The following IL1RL1 variants were observed in gnomAD, a reference collection of about 807,000 sequenced individuals.
IL1RL1 encodes the protein interleukin 1 receptor like 1.
A neutral mutation model predicts 50.9 loss-of-function variants in IL1RL1; 32 were observed. That is an observed-to-expected ratio of 0.63 (90% CI 0.47 to 0.84). IL1RL1 has a LOEUF of 0.84. Among genes scored for constraint, IL1RL1 ranks in the 40% least tolerant of loss-of-function variants. IL1RL1 has a pLI of 0.00. For missense variants in IL1RL1, 773 were observed against 662.9 expected, an observed-to-expected ratio of 1.17 and a Z score of -1.82; for synonymous variants, 275 against 236.0, an observed-to-expected ratio of 1.17 and a Z score of -1.51.
At chr2:102,316,569 G>A (rs940386067) in intron 1 of IL1RL1, among the ~76,000 whole-genome samples, 4 of 152,204 alleles carry the variant, frequency 2.6e-5, no homozygotes, top group African/African-American at 9.6e-5. Context: ...ATAGCTGGGA[G>A]TTTAATTTTT....
chr2:102,341,836 C>A (rs1295153916), intron 5 of IL1RL1, among the ~76,000 whole-genome samples: 1 of 152,132 alleles, frequency 6.6e-6, no homozygotes, highest in Non-Finnish European at 1.5e-5. Context: ...AATCTGTGGA[C>A]TCATCCATTT....
At chr2:102,315,128 T>A (rs1186315855) in intron 1 of IL1RL1, among the ~76,000 whole-genome samples, 2 of 152,152 alleles carry the variant, frequency 1.3e-5, no homozygotes, top group Non-Finnish European at 2.9e-5. Context: ...TGATGGAGTG[T>A]CTGAGGGCCG....
In IL1RL1 at chr2:102,351,989, C is replaced by A; in HGVS notation, c.*68C>A. On this transcript the variant is annotated 3_prime_UTR_variant, in exon 11 of 11. Transcript: ENST00000233954. ...CTGACTTCTCCTAGCTGGCTTATGC[C>A]CCTGCACTGAAGTGTGAGGAGCAGG... 7.0e-7 allele frequency: 1 copy of A among 1,430,494 alleles called. No individual in the cohort carries two copies. Among genetic ancestry groups the A allele is most frequent in the Non-Finnish European group, 9.5e-7 (1 of 1,050,988 alleles). 88.6% of individuals were successfully genotyped at this position (1,430,494 alleles called of 1,614,324 possible).
chr2:102,319,671 T>A (rs11690443), intron 1 of IL1RL1, among the ~76,000 whole-genome samples: 72,726 of 151,924 alleles, frequency 0.48, 17,693 homozygotes, highest in Middle Eastern at 0.64. Context: ...ATTCTCAGTA[T>A]CTTTTGTATC....
chr2:102,336,243 C>G (rs759838926), intron 1 of IL1RL1, among the ~76,000 whole-genome samples: 1 of 152,272 alleles, frequency 6.6e-6, no homozygotes, highest in African/African-American at 2.4e-5. Context: ...GACTTCACCC[C>G]TTAATGTGAA....
chr2:102,340,331 G>A (rs779158042), intron 4 of IL1RL1, 59 bp downstream of exon 4: 28 of 1,420,870 alleles, frequency 2.0e-5, no homozygotes, highest in Non-Finnish European at 2.6e-5. Context: ...AGACACAAGT[G>A]GCCGGGCACA....
At chr2:102,341,878 T>C (rs1677579271) in intron 5 of IL1RL1, among the ~76,000 whole-genome samples, 1 of 152,232 alleles carries the variant, frequency 6.6e-6, no homozygotes, top group African/African-American at 2.4e-5. Context: ...AAATCTTCTC[T>C]GTAGTCTTAT....
chr2:102,329,514 C>T (rs1178816610), intron 1 of IL1RL1, among the ~76,000 whole-genome samples: 1 of 152,176 alleles, frequency 6.6e-6, no homozygotes, highest in Non-Finnish European at 1.5e-5. Flanking sequence ...TAAAGAGCTT[C>T]TGCACAGTGA....
intron 1 of IL1RL1, among the ~76,000 whole-genome samples, chr2:102,321,084 C>T (rs10189154): frequency 0.17 from 26,233 of 152,210 alleles, 2,565 homozygotes; most frequent in African/African-American, 0.26. Context: ...ACCAGGCTTG[C>T]CTCCATGGCT....
At chr2:102,316,763 A>G (rs1676685577) in intron 1 of IL1RL1, among the ~76,000 whole-genome samples, 1 of 152,196 alleles carries the variant, frequency 6.6e-6, no homozygotes, top group Non-Finnish European at 1.5e-5. Context: ...TTAGTAGTAG[A>G]TACAGACTAT....
At chr2:102,327,950 T>G (rs1677060986) in intron 1 of IL1RL1, among the ~76,000 whole-genome samples, 1 of 152,190 alleles carries the variant, frequency 6.6e-6, no homozygotes, top group African/African-American at 2.4e-5. Flanking sequence ...TTACCATTCC[T>G]TCTGAAACTA....
Position 102,340,162 on chromosome 2 carries a change from G to A in IL1RL1, c.337G>A (p.Val113Ile), listed in dbSNP as rs1339677841. ...TIYKKQSDCN[V>I]PDYLMYSTVS... The stretch of plus-strand genomic sequence containing the variant: ...ATATAAAAAACAATCAGATTGCAAT[G>A]TTCCAGATTATTTGATGTATTCAAC... Residue 113 changes from valine to isoleucine, a missense_variant, in exon 4 of 11, where the codon GTT (valine) becomes ATT (isoleucine). Coordinates refer to ENST00000233954, the MANE Select transcript of IL1RL1 (RefSeq NM_016232.5). 2 of 1,598,164 alleles carry A rather than the reference G, an allele frequency of 1.3e-6. No homozygotes were observed. Among genetic ancestry groups the A allele is most frequent in the African/African-American group, 1.3e-5 (1 of 74,472 alleles).
intron 1 of IL1RL1, among the ~76,000 whole-genome samples, chr2:102,328,986 T>C (rs1264942147): frequency 7.9e-5 from 12 of 152,124 alleles, no homozygotes; most frequent in Admixed American, 7.9e-4. Flanking sequence ...TGGAAAAAAC[T>C]ACTTTAAAGT....
intron 1 of IL1RL1, among the ~76,000 whole-genome samples, chr2:102,323,279 T>TATATATATATATATATATATATA (rs1559596441): frequency 1.1e-4 from 4 of 38,008 alleles, no homozygotes; most frequent in African/African-American, 3.4e-4. Flanking sequence ...ATATAGTGTG[T>TATATATATATATATATATATATA]GTGTGTGTGT....
At chr2:102,329,666 A>G (rs1052004164) in intron 1 of IL1RL1, among the ~76,000 whole-genome samples, 1 of 152,224 alleles carries the variant, frequency 6.6e-6, no homozygotes, top group African/African-American at 2.4e-5. Flanking sequence ...ACCCCATCAA[A>G]AAGTGGGCAA....
intron 1 of IL1RL1, chr2:102,337,138 A>G (rs1677354890): frequency 6.6e-6 from 1 of 152,340 alleles, no homozygotes; most frequent in South Asian, 2.1e-4. Flanking sequence ...GTCAACATCA[A>G]GAATTCTTAG....
At position 102,348,226 on chromosome 2, in the gene IL1RL1, G is replaced by A. The variant is rs1393724448; in HGVS notation, c.1117+135G>A. On this transcript the variant is annotated intron_variant, in intron 9 of 10. Coordinates refer to ENST00000233954, the MANE Select transcript of IL1RL1 (RefSeq NM_016232.5). The stretch of plus-strand genomic sequence containing the variant: ...TTGCTTGCTAATCTGTTATCAGTGA[G>A]TTGTGTTTTTGGATTTTCTTAAAGG... 39 of 687,976 alleles carry A rather than the reference G, an allele frequency of 5.7e-5. 1 individual carries two copies. The highest frequency in any genetic ancestry group is 4.3e-4 in the South Asian group (22 of 50,738). 42.6% of individuals were successfully genotyped at this position (687,976 alleles called of 1,614,324 possible).
In IL1RL1 at chr2:102,325,706, C is replaced by T. The variant is rs181472144; in HGVS notation, c.-149-12410C>T. On this transcript the variant is annotated intron_variant, in intron 1 of 10. Coordinates refer to ENST00000233954, the MANE Select transcript of IL1RL1 (RefSeq NM_016232.5). ...TGGCACGAGAACTACGTGATGAATG[C>T]GCAAGCCTCAGTAGCCGATTTGATC... 6.6e-5 allele frequency among the ~76,000 whole-genome samples: 10 copies of T among 152,290 alleles called. No individual in the cohort carries two copies. In the South Asian group the frequency reaches 8.3e-4, roughly 13 times the overall value.
At chr2:102,330,150 T>C (rs1038220004) in intron 1 of IL1RL1, among the ~76,000 whole-genome samples, 1 of 152,226 alleles carries the variant, frequency 6.6e-6, no homozygotes, top group Non-Finnish European at 1.5e-5. Flanking sequence ...CATGGAATAC[T>C]ATGCAGCCAT....
Sources: gnomAD v4.1 joint callset for allele counts (sites outside exome capture counted in the v4.1 genomes callset) on GRCh38, gnomAD v4.1.1 for gene constraint, MANE v1.5 for transcripts, NCBI Gene and HGNC (gene_info 2026-07-23, HGNC 2026-07-21) for gene names.